Variants in STK24 observed in about 807,000 individuals in gnomAD.
STK24 encodes the protein serine/threonine-protein kinase 24.
STK24 carries 21 observed loss-of-function variants against 55.6 expected under a neutral mutation model. The ratio of observed to expected loss-of-function variants is 0.38; its 90% CI spans 0.27 to 0.54. The LOEUF (loss-of-function observed/expected upper bound fraction) is 0.54, where lower values mean the gene tolerates loss of function less well. STK24 is among the 20% of genes least tolerant of loss of function. The pLI, the probability that STK24 is intolerant of heterozygous loss-of-function variation, is 0.79. For synonymous variants in STK24, 200 were observed against 215.2 expected, an observed-to-expected ratio of 0.93 and a Z score of 0.62; for missense variants, 383 against 538.4, an observed-to-expected ratio of 0.71 and a Z score of 2.86.
chr13:98,516,809 G>A (rs1223252800), intron 2 of STK24, among the ~76,000 whole-genome samples: 1 of 152,220 alleles, frequency 6.6e-6, no homozygotes, highest in Non-Finnish European at 1.5e-5. Context: ...TAACATGTAT[G>A]AGTCGTTACA....
chr13:98,528,379 C>T (rs1342053922), intron 1 of STK24, among the ~76,000 whole-genome samples: 1 of 152,160 alleles, frequency 6.6e-6, no homozygotes, highest in African/African-American at 2.4e-5. Flanking sequence ...AAAACATGGT[C>T]CCCTCAGCCC....
At chr13:98,570,362 G>A (rs1197843429) in intron 1 of STK24, among the ~76,000 whole-genome samples, 1 of 152,088 alleles carries the variant, frequency 6.6e-6, no homozygotes, top group South Asian at 2.1e-4. Flanking sequence ...AAAATCCTAA[G>A]TAATTACAAA....
In STK24 at chr13:98,461,893, T is replaced by G; in HGVS notation, c.934A>C (p.Thr312Pro). The change falls in exon 8 of 11, where the codon ACA becomes CCA. Residue 312 changes from threonine (T) to proline (P), a missense_variant. Thr to Pro is a conservative substitution (Grantham distance 38, BLOSUM62 -1). Transcript: ENST00000539966. ...DSSSEDSDAETDGQASGGSDS... is the reference protein window; with the variant it reads ...DSSSEDSDAEPDGQASGGSDS... The stretch of plus-strand genomic sequence containing the variant: ...CTGCCCCCCGAGGCTTGGCCATCTG[T>G]TTCCCTTAACACAGAAATGCAGGAA... 6.2e-7 allele frequency: 1 copy of G among 1,613,908 alleles called. No individual in the cohort carries two copies. Among genetic ancestry groups the G allele is most frequent in the South Asian group, 1.1e-5 (1 of 91,078 alleles).
chr13:98,522,902 C>A (rs745760495), intron 1 of STK24, among the ~76,000 whole-genome samples: 12 of 152,178 alleles, frequency 7.9e-5, no homozygotes, highest in Admixed American at 2.6e-4. Flanking sequence ...AGGGGAAAGC[C>A]CTTCCTGCTG....
Position 98,446,251 on chromosome 13 carries a change from G to GCCCCCTCACCTCATGCTGCCA in STK24, c.*6921_*6922insTGGCAGCATGAGGTGAGGGGG. On this transcript the variant is annotated 3_prime_UTR_variant, in exon 11 of 11. Coordinates refer to ENST00000539966, the MANE Select transcript of STK24 (RefSeq NM_001032296.4). ...AGGTGGCCCTGGGACCTTGGGGGTG[G>GCCCCCTCACCTCATGCTGCCA]CAGCATGAGGTGAGGGGGCCGCCCT... is the stretch of plus-strand genomic sequence containing the variant. 1 of 1,304,162 alleles carries GCCCCCTCACCTCATGCTGCCA rather than the reference G, an allele frequency of 7.7e-7. No individual in the cohort carries two copies. The highest frequency in any genetic ancestry group is 1.1e-6 in the Non-Finnish European group (1 of 904,252). 80.8% of individuals were successfully genotyped at this position (1,304,162 alleles called of 1,614,324 possible).
At chr13:98,500,259 C>G (rs1033254528) in intron 2 of STK24, among the ~76,000 whole-genome samples, 2 of 152,170 alleles carry the variant, frequency 1.3e-5, no homozygotes, top group Non-Finnish European at 2.9e-5. Flanking sequence ...GAGCAGGAGG[C>G]CCACAGAAAG....
intron 10 of STK24, 90 bp from the exon 11 acceptor site, chr13:98,453,299 T>G (rs1893288299): frequency 1.5e-6 from 2 of 1,362,280 alleles, no homozygotes; most frequent in East Asian, 4.7e-5. Flanking sequence ...TTAGTTTTCA[T>G]AAGAAATTCC....
chr13:98,451,051 A>C lies in STK24; in HGVS notation c.*2122T>G, dbSNP rs941490304. The C allele has an allele frequency of 6.6e-5, 10 of 152,202 alleles. No homozygotes were observed. The highest frequency in any genetic ancestry group is 2.4e-4 in the African/African-American group (10 of 41,434). The allele number at this position is 152,202 out of a possible 1,614,324, so 9.4% of individuals were successfully genotyped here. A position where few individuals can be genotyped will look rare whatever the true frequency, so the allele number is the denominator to read the frequency against. Reference sequence around the variant, plus strand: ...GCGACTGCAGAGACTCCCCGTTCATACCAGTATTCATTAGAACCCAGTCCC... The same window carrying C: ...GCGACTGCAGAGACTCCCCGTTCATCCCAGTATTCATTAGAACCCAGTCCC... On this transcript the variant is annotated 3_prime_UTR_variant, in exon 11 of 11. Transcript: ENST00000539966.
intron 2 of STK24, among the ~76,000 whole-genome samples, chr13:98,489,361 T>C (rs1207233953): frequency 6.6e-6 from 1 of 152,198 alleles, no homozygotes; most frequent in Non-Finnish European, 1.5e-5. Flanking sequence ...CTGACCATCT[T>C]CAAAGTGCAG....
chr13:98,461,031 G>C (rs1359809398), intron 8 of STK24, among the ~76,000 whole-genome samples: 1 of 144,758 alleles, frequency 6.9e-6, no homozygotes, highest in Admixed American at 7.0e-5. Flanking sequence ...CTGGGCAACA[G>C]AGACCCCGTC....
intron 2 of STK24, among the ~76,000 whole-genome samples, chr13:98,482,969 G>C (rs1041414328): frequency 1.3e-5 from 2 of 152,228 alleles, no homozygotes; most frequent in African/African-American, 4.8e-5. Context: ...GTCCTCTCAA[G>C]GCCCCGGCTC....
intron 2 of STK24, among the ~76,000 whole-genome samples, chr13:98,501,752 T>A (rs983377937): frequency 6.6e-6 from 1 of 152,218 alleles, no homozygotes; most frequent in Admixed American, 6.5e-5. Context: ...AATCCTCATG[T>A]ATCATCTCTA....
chr13:98,526,576 G>C (rs1340617274), intron 1 of STK24, among the ~76,000 whole-genome samples: 8 of 152,114 alleles, frequency 5.3e-5, no homozygotes, highest in African/African-American at 1.9e-4. Flanking sequence ...ACTAGGCTTG[G>C]GACCATGTCA....
At position 98,447,124 on chromosome 13, in the gene STK24, G is replaced by C. The variant is rs952896101; in HGVS notation, c.*6049C>G. ...AAGCCCCAGTGAGACTGCCTACATG[G>C]TGTAATGGCAGGGACTGCAGACTTC... is the stretch of plus-strand genomic sequence containing the variant. On this transcript the variant is annotated 3_prime_UTR_variant, in exon 11 of 11. Transcript: ENST00000539966. The C allele has an allele frequency of 9.6e-6, 3 of 312,332 alleles. No individual in the cohort carries two copies. The highest frequency in any genetic ancestry group is 4.2e-5 in the African/African-American group (2 of 47,118). 19.3% of individuals were successfully genotyped at this position (312,332 alleles called of 1,614,324 possible).
At chr13:98,544,374 G>A (rs1488992491) in intron 1 of STK24, among the ~76,000 whole-genome samples, 1 of 152,248 alleles carries the variant, frequency 6.6e-6, no homozygotes, top group African/African-American at 2.4e-5. Flanking sequence ...AACCAGGAAG[G>A]TTTCCTGGAA....
chr13:98,463,870 A>G lies in STK24; in HGVS notation c.784-34T>C, dbSNP rs564475929. The G allele has an allele frequency of 6.9e-5, 111 of 1,607,090 alleles. 1 individual carries two copies. The South Asian group carries it at 1.2e-3, about 17-fold the overall frequency. On this transcript the variant is annotated intron_variant, in intron 6 of 10. Coordinates refer to ENST00000539966, the MANE Select transcript of STK24 (RefSeq NM_001032296.4). ...ACACACCCAACAATTAAAGTATGAG[A>G]TGAAGTTCTTGGTCCTACCCCAAAG...
chr13:98,503,592 G>A (rs1257350528), intron 2 of STK24, among the ~76,000 whole-genome samples: 2 of 152,244 alleles, frequency 1.3e-5, no homozygotes, highest in Non-Finnish European at 2.9e-5. Context: ...CAGCACGCCA[G>A]TGGGAGACGT....
chr13:98,496,993 G>A lies in STK24; in HGVS notation c.274-14672C>T, dbSNP rs531779795. Reference sequence around the variant, plus strand: ...CCCCCTCCAAGTTTTAACATGCTGAGATTAGAGTAGGACAGTGTTGGGACC... The same window carrying A: ...CCCCCTCCAAGTTTTAACATGCTGAAATTAGAGTAGGACAGTGTTGGGACC... On this transcript the variant is annotated intron_variant, in intron 2 of 10. Coordinates refer to ENST00000539966, the MANE Select transcript of STK24 (RefSeq NM_001032296.4). Among the ~76,000 whole-genome samples the A allele has an allele frequency of 3.3e-5, 5 of 152,348 alleles. No homozygotes were observed. The South Asian group carries it at 1.0e-3, about 32-fold the overall frequency.
rs763148103 is a variant in STK24, at chr13:98,482,252, A to G, written c.330+13T>C. ...AGCTTTGATACGTATTCTGCATCCA[A>G]CATAATACTTACTAGATCTAGTGCG... is the stretch of plus-strand genomic sequence containing the variant. On this transcript the variant is annotated intron_variant, in intron 3 of 10. Coordinates refer to ENST00000539966, the MANE Select transcript of STK24 (RefSeq NM_001032296.4). 1.3e-6 allele frequency: 2 copies of G among 1,515,564 alleles called. No individual in the cohort carries two copies. Among genetic ancestry groups the G allele is most frequent in the South Asian group, 1.2e-5 (1 of 82,866 alleles). The allele number at this position is 1,515,564 out of a possible 1,614,324, so 93.9% of individuals were successfully genotyped here. A position where few individuals can be genotyped will look rare whatever the true frequency, so the allele number is the denominator to read the frequency against.
Sources: allele counts gnomAD v4.1 joint callset (sites outside exome capture counted in the v4.1 genomes callset), GRCh38; gene constraint gnomAD v4.1.1; transcripts MANE v1.5; gene names NCBI Gene and HGNC (gene_info 2026-07-23, HGNC 2026-07-21).